DOCK3: variants seen among roughly 807,000 people sequenced by gnomAD.
DOCK3 encodes the protein dedicator of cytokinesis 3.
DOCK3 carries 60 observed loss-of-function variants against 265.6 expected under a neutral mutation model. That is an observed-to-expected ratio of 0.23 (90% confidence interval 0.18 to 0.28). The LOEUF is 0.28. Among genes scored for constraint, DOCK3 ranks in the 10% least tolerant of loss-of-function variants. The pLI is 1.00. For missense variants in DOCK3, 1,981 were observed against 2,594.3 expected, an observed-to-expected ratio of 0.76 and a Z score of 5.14; for synonymous variants, 881 against 938.0, an observed-to-expected ratio of 0.94 and a Z score of 1.11.
intron 9 of DOCK3, among the ~76,000 whole-genome samples, chr3:51,129,048 C>A (rs1213795517): frequency 6.6e-6 from 1 of 152,254 alleles, no homozygotes; most frequent in East Asian, 1.9e-4. Context: ...CCACATACCT[C>A]TTCCCCAGAT....
intron 1 of DOCK3, among the ~76,000 whole-genome samples, chr3:50,734,742 A>G (rs1423907011): frequency 6.6e-6 from 1 of 150,512 alleles, no homozygotes; most frequent in Non-Finnish European, 1.5e-5. Context: ...AGCTGGGACT[A>G]CAGGTGCCCG....
At chr3:51,025,772 A>T (rs1451593935) in intron 5 of DOCK3, among the ~76,000 whole-genome samples, 1 of 152,200 alleles carries the variant, frequency 6.6e-6, no homozygotes, top group Non-Finnish European at 1.5e-5. Context: ...GAGACTGGGA[A>T]TGCCTGCAAG....
chr3:51,136,806 G>A lies in DOCK3; in HGVS notation c.747-9743G>A, dbSNP rs2084827634. On this transcript the variant is annotated intron_variant, in intron 9 of 52. Coordinates refer to ENST00000266037, the MANE Select transcript of DOCK3 (RefSeq NM_004947.5). ...GTCCTGAAGTGTCTCAAGGAGAACT[G>A]GTGGTCAGAGTGGAGGCCTAACTAT... is the stretch of plus-strand genomic sequence containing the variant. Among the ~76,000 whole-genome samples the A allele has an allele frequency of 2.0e-5, 3 of 152,148 alleles. No homozygotes were observed. In the South Asian group the frequency reaches 6.2e-4, roughly 32 times the overall value.
chr3:50,817,338 A>T (rs187255774), intron 2 of DOCK3, among the ~76,000 whole-genome samples: 1 of 152,276 alleles, frequency 6.6e-6, no homozygotes. Context: ...CCTATTTAAG[A>T]TGGAGTTGTT....
chr3:51,087,310 G>A (rs2109519666), intron 7 of DOCK3, among the ~76,000 whole-genome samples: 1 of 152,332 alleles, frequency 6.6e-6, no homozygotes, highest in South Asian at 2.1e-4. Flanking sequence ...ATTTATCCCA[G>A]TGATGCAAGC....
chr3:50,808,411 T>G (rs2043554439), intron 2 of DOCK3, among the ~76,000 whole-genome samples: 1 of 152,204 alleles, frequency 6.6e-6, no homozygotes, highest in African/African-American at 2.4e-5. Flanking sequence ...ATGATAATCT[T>G]GAAGATTATC....
At chr3:51,069,440 A>G (rs1003095146) in intron 6 of DOCK3, among the ~76,000 whole-genome samples, 4 of 151,864 alleles carry the variant, frequency 2.6e-5, no homozygotes, top group Admixed American at 2.6e-4. Context: ...TTAACCGAGA[A>G]CTGACATAGC....
chr3:50,761,069 C>T (rs753469509), intron 1 of DOCK3, among the ~76,000 whole-genome samples: 6 of 151,416 alleles, frequency 4.0e-5, no homozygotes, highest in Non-Finnish European at 7.4e-5. Context: ...CGTGAGCCAC[C>T]GCACCTGGAT....
intron 5 of DOCK3, among the ~76,000 whole-genome samples, chr3:51,036,196 G>T (rs566693231): frequency 3.3e-5 from 5 of 152,112 alleles, no homozygotes; most frequent in South Asian, 4.2e-4. Context: ...TTTGTATTTT[G>T]CCCAGAGTTT....
At chr3:51,367,481 C>A (rs1576959494) in intron 49 of DOCK3, among the ~76,000 whole-genome samples, 1 of 152,156 alleles carries the variant, frequency 6.6e-6, no homozygotes, top group South Asian at 2.1e-4. Context: ...GAGCAGTTAG[C>A]CCATTTACAT....
intron 4 of DOCK3, among the ~76,000 whole-genome samples, chr3:50,902,929 T>G (rs1198543524): frequency 1.3e-5 from 2 of 152,206 alleles, no homozygotes; most frequent in African/African-American, 2.4e-5. Flanking sequence ...ATTCTCTTTG[T>G]AGCAGTTGTG....
At chr3:51,290,273 T>G (rs1277993046) in intron 27 of DOCK3, among the ~76,000 whole-genome samples, 1 of 152,164 alleles carries the variant, frequency 6.6e-6, no homozygotes, top group Non-Finnish European at 1.5e-5. Flanking sequence ...TAGCAAAGAC[T>G]TGGAACCAAC....
At position 51,327,837 on chromosome 3, in the gene DOCK3, G is replaced by A. The variant is rs113299939; in HGVS notation, c.3403-2301G>A. On this transcript the variant is annotated intron_variant, in intron 32 of 52. Coordinates refer to ENST00000266037, the MANE Select transcript of DOCK3 (RefSeq NM_004947.5). Reference sequence around the variant, plus strand: ...TGGGACTATAGGCAGGTGCTACCACGCCTGGCTACTTTTTTTGTATTTTTA... The same window carrying A: ...TGGGACTATAGGCAGGTGCTACCACACCTGGCTACTTTTTTTGTATTTTTA... Among the ~76,000 whole-genome samples the A allele has an allele frequency of 1.0e-3, 158 of 151,964 alleles. 2 individuals are homozygous for A. Among genetic ancestry groups the A allele is most frequent in the East Asian group, 5.2e-3 (27 of 5,164 alleles).
chr3:50,732,855 A>G (rs2038309688), intron 1 of DOCK3, among the ~76,000 whole-genome samples: 1 of 152,262 alleles, frequency 6.6e-6, no homozygotes, highest in Non-Finnish European at 1.5e-5. Context: ...TGTTTTGAAA[A>G]TAACAAAACT....
chr3:51,080,109 T>C (rs1434440014), intron 7 of DOCK3, among the ~76,000 whole-genome samples: 1 of 152,252 alleles, frequency 6.6e-6, no homozygotes, highest in East Asian at 1.9e-4. Flanking sequence ...ATGCCTTATA[T>C]TTCCTTGTAA....
intron 5 of DOCK3, among the ~76,000 whole-genome samples, chr3:50,963,543 T>C (rs578182867): frequency 1.3e-5 from 2 of 152,318 alleles, no homozygotes; most frequent in South Asian, 4.1e-4. Context: ...CAATATAGAC[T>C]TCTGCTTCTG....
intron 3 of DOCK3, among the ~76,000 whole-genome samples, chr3:50,859,532 T>C (rs2046801461): frequency 6.6e-6 from 1 of 151,996 alleles, no homozygotes; most frequent in Admixed American, 6.6e-5. Context: ...GGTTTTTTTG[T>C]AGGACATATG....
intron 18 of DOCK3, 63 bp from the exon 19 acceptor site, chr3:51,229,449 T>TAA (rs113104131): frequency 8.9e-4 from 938 of 1,053,880 alleles, no homozygotes; most frequent in South Asian, 2.1e-3. Context: ...AGACTCCGTC[T>TAA]AAAAAAAAAA....
intron 9 of DOCK3, among the ~76,000 whole-genome samples, chr3:51,135,520 G>A (rs997505320): frequency 1.3e-5 from 2 of 152,058 alleles, no homozygotes; most frequent in Non-Finnish European, 2.9e-5. Context: ...ATAGATTCCT[G>A]GACTGTCTCC....
Sources: gnomAD v4.1 joint callset for allele counts (sites outside exome capture counted in the v4.1 genomes callset) on GRCh38, gnomAD v4.1.1 for gene constraint, MANE v1.5 for transcripts, NCBI Gene and HGNC (gene_info 2026-07-23, HGNC 2026-07-21) for gene names.